Variants in MGLL observed in about 807,000 individuals in gnomAD.
MGLL encodes the protein lysophospholipase homolog.
MGLL carries 7 observed loss-of-function variants against 29.1 expected under a neutral mutation model. That is an observed-to-expected ratio of 0.24 (90% CI 0.14 to 0.45). The LOEUF (loss-of-function observed/expected upper bound fraction) is 0.45, where lower values mean the gene tolerates loss of function less well. Ranked by LOEUF, MGLL falls within the 20% of genes least tolerant of loss-of-function variation. The pLI, the probability that MGLL is intolerant of heterozygous loss-of-function variation, is 0.99. For missense variants in MGLL, 356 were observed against 413.6 expected (o/e 0.86, Z 1.21); for synonymous variants, 148 against 168.3 (o/e 0.88, Z 0.93).
chr3:127,704,853 C>A (rs2075568409), intron 6 of MGLL, among the ~76,000 whole-genome samples: 1 of 152,160 alleles, frequency 6.6e-6, no homozygotes. Flanking sequence ...ACCCAGCAAT[C>A]CCTTTGGGTA....
intron 3 of MGLL, among the ~76,000 whole-genome samples, chr3:127,768,945 T>C (rs72626394): frequency 0.13 from 19,096 of 152,234 alleles, 1,225 homozygotes; most frequent in Middle Eastern, 0.17. Flanking sequence ...CTGTTGCTGG[T>C]TTGACCAGAA....
chr3:127,737,974 A>AT (rs1425226982), intron 3 of MGLL, among the ~76,000 whole-genome samples: 1 of 152,166 alleles, frequency 6.6e-6, no homozygotes, highest in Non-Finnish European at 1.5e-5. Context: ...CATATGGCAC[A>AT]TGGTAATATT....
chr3:127,821,236 GC>G (rs1226317377), intron 2 of MGLL, among the ~76,000 whole-genome samples: 2 of 152,108 alleles, frequency 1.3e-5, no homozygotes, highest in African/African-American at 4.8e-5. Context: ...AAATACCCAG[GC>G]CCCTTTCTTC....
chr3:127,769,955 C>T (rs563378614), intron 3 of MGLL, among the ~76,000 whole-genome samples: 1 of 152,358 alleles, frequency 6.6e-6, no homozygotes, highest in East Asian at 1.9e-4. Context: ...ATCTCGACAT[C>T]AGCCTGCCCT....
At position 127,701,491 on chromosome 3, in the gene MGLL, C is replaced by T. The variant is rs144129860; in HGVS notation, c.601-6301G>A. On this transcript the variant is annotated intron_variant, in intron 6 of 7. Coordinates refer to ENST00000265052, the MANE Select transcript of MGLL (RefSeq NM_007283.7). ...GACTCACAGATCTGTACCTGTCTCC[C>T]TCTGTGAAGAACCCTGTGGTGCTTC... is the stretch of plus-strand genomic sequence containing the variant. Among the ~76,000 whole-genome samples, 874 of 152,298 alleles carry T rather than the reference C, an allele frequency of 5.7e-3. 12 individuals are homozygous for T. Among genetic ancestry groups the T allele is most frequent in the African/African-American group, 0.02 (822 of 41,556 alleles).
intron 2 of MGLL, among the ~76,000 whole-genome samples, chr3:127,818,247 G>A (rs555526590): frequency 2.0e-5 from 3 of 152,348 alleles, no homozygotes; most frequent in African/African-American, 7.2e-5. Flanking sequence ...ATAGGCGTGA[G>A]CCACTGCACC....
At chr3:127,749,220 C>T (rs1166077646) in intron 3 of MGLL, among the ~76,000 whole-genome samples, 1 of 152,194 alleles carries the variant, frequency 6.6e-6, no homozygotes, top group Admixed American at 6.5e-5. Context: ...CATTCAAATT[C>T]TCAACTCTTC....
At chr3:127,778,184 A>G (rs917252099) in intron 3 of MGLL, among the ~76,000 whole-genome samples, 2 of 152,234 alleles carry the variant, frequency 1.3e-5, no homozygotes. Context: ...GTGTTTCCAT[A>G]AATCGTGTCA....
At chr3:127,767,896 C>T (rs187497147) in intron 3 of MGLL, among the ~76,000 whole-genome samples, 68 of 152,286 alleles carry the variant, frequency 4.5e-4, no homozygotes, top group Non-Finnish European at 7.6e-4. Context: ...AAACACTCCA[C>T]CTAAATGACT....
At chr3:127,702,345 C>T (rs1559908542) in intron 6 of MGLL, among the ~76,000 whole-genome samples, 1 of 152,200 alleles carries the variant, frequency 6.6e-6, no homozygotes, top group South Asian at 2.1e-4. Flanking sequence ...TAGGCCCTGC[C>T]TGACTCAGCA....
At chr3:127,727,834 A>G (rs950971705) in intron 3 of MGLL, among the ~76,000 whole-genome samples, 3 of 152,066 alleles carry the variant, frequency 2.0e-5, no homozygotes, top group Non-Finnish European at 2.9e-5. Context: ...TAGCATTAAC[A>G]TATTTACTTA....
At chr3:127,775,857 G>A (rs866815888) in intron 3 of MGLL, among the ~76,000 whole-genome samples, 5 of 152,160 alleles carry the variant, frequency 3.3e-5, no homozygotes, top group South Asian at 2.1e-4. Context: ...TCGCAGCAGC[G>A]CCTCCTGGGT....
chr3:127,810,329 C>T (rs1355450191), intron 2 of MGLL, among the ~76,000 whole-genome samples: 2 of 152,208 alleles, frequency 1.3e-5, no homozygotes, highest in Non-Finnish European at 2.9e-5. Flanking sequence ...TAGACAACAG[C>T]CATTCCAATG....
chr3:127,753,587 G>A (rs2076597767), intron 3 of MGLL, among the ~76,000 whole-genome samples: 1 of 152,240 alleles, frequency 6.6e-6, no homozygotes, highest in Admixed American at 6.5e-5. Context: ...CATCGAATCA[G>A]CATCAGGCAC....
chr3:127,794,998 A>G (rs982930607), intron 2 of MGLL, among the ~76,000 whole-genome samples: 2 of 152,252 alleles, frequency 1.3e-5, no homozygotes, highest in Non-Finnish European at 2.9e-5. Context: ...CAGAACTGCC[A>G]CTCAACTCAG....
At chr3:127,819,904 C>T (rs2077828629) in intron 2 of MGLL, among the ~76,000 whole-genome samples, 1 of 152,026 alleles carries the variant, frequency 6.6e-6, no homozygotes, top group African/African-American at 2.4e-5. Flanking sequence ...TGAGTCATGG[C>T]AAGGGGCCTC....
chr3:127,706,573 G>A (rs751846018), intron 6 of MGLL, among the ~76,000 whole-genome samples: 5 of 152,166 alleles, frequency 3.3e-5, no homozygotes, highest in African/African-American at 4.8e-5. Context: ...CAATTCACAC[G>A]CTCCCTCGCC....
Position 127,690,775 on chromosome 3 carries a change from C to G in MGLL, c.*1423G>C, listed in dbSNP as rs2075228135. On this transcript the variant is annotated 3_prime_UTR_variant, in exon 8 of 8. Coordinates refer to ENST00000265052, the MANE Select transcript of MGLL (RefSeq NM_007283.7). ...AGTATTCCCGAGGCGGGTGGTGAAC[C>G]CCACTTATTGCTGGGAAAAAGTGAG... 6.5e-6 allele frequency: 1 copy of G among 152,864 alleles called. No homozygotes were observed. Among genetic ancestry groups the G allele is most frequent in the Admixed American group, 6.5e-5 (1 of 15,292 alleles). The allele number at this position is 152,864 out of a possible 1,614,324, so 9.5% of individuals were successfully genotyped here. A position where few individuals can be genotyped will look rare whatever the true frequency, so the allele number is the denominator to read the frequency against.
intron 3 of MGLL, among the ~76,000 whole-genome samples, chr3:127,734,176 C>T (rs957733205): frequency 2.0e-5 from 3 of 152,360 alleles, no homozygotes; most frequent in Admixed American, 2.0e-4. Context: ...TTGAATCTAC[C>T]TTGACCGGGT....
Sources: gnomAD v4.1 joint callset for allele counts (sites outside exome capture counted in the v4.1 genomes callset) on GRCh38, gnomAD v4.1.1 for gene constraint, MANE v1.5 for transcripts, NCBI Gene and HGNC (gene_info 2026-07-23, HGNC 2026-07-21) for gene names.